The following AIMP1 variants were observed in gnomAD, a reference collection of about 807,000 sequenced individuals.
AIMP1 encodes aminoacyl tRNA synthase complex-interacting multifunctional protein 1.
A neutral mutation model predicts 33.1 loss-of-function variants in AIMP1; 24 were observed. The ratio of observed to expected loss-of-function variants is 0.73; its 90% confidence interval spans 0.53 to 1.02. The LOEUF (loss-of-function observed/expected upper bound fraction) is 1.02, where lower values mean the gene tolerates loss of function less well. Among genes scored for constraint, AIMP1 ranks in the 50% least tolerant of loss-of-function variants. The probability of loss-of-function intolerance (pLI) is 0.00; values close to 1 mark genes in which losing one functional copy is unlikely to be tolerated. For missense variants in AIMP1, 367 were observed against 364.8 expected, an observed-to-expected ratio of 1.01 and a Z score of -0.05; for synonymous variants, 120 against 121.5, an observed-to-expected ratio of 0.99 and a Z score of 0.08.
chr4:106,343,612 T>C (rs1449888189), intron 6 of AIMP1, among the ~76,000 whole-genome samples: 1 of 152,182 alleles, frequency 6.6e-6, no homozygotes, highest in African/African-American at 2.4e-5. Flanking sequence ...CAACATTTTT[T>C]TGGAGATTAC....
intron 3 of AIMP1, 91 bp downstream of exon 3, chr4:106,327,655 A>G (rs567537372): frequency 2.1e-4 from 191 of 923,332 alleles, no homozygotes; most frequent in Non-Finnish European, 2.9e-4. Context: ...ATCTGTATCT[A>G]GGCAACTTGG....
At chr4:106,341,236 G>A (rs1024486250) in intron 6 of AIMP1, among the ~76,000 whole-genome samples, 5 of 152,154 alleles carry the variant, frequency 3.3e-5, no homozygotes, top group Admixed American at 3.3e-4. Flanking sequence ...ATTTTGCAGT[G>A]CAGAAGCTCT....
At chr4:106,316,367 G>A (rs73839427), upstream of AIMP1, 1,276 of 609,434 alleles carry the variant, frequency 2.1e-3, 10 homozygotes, top group African/African-American at 0.016. Context: ...GGGGGGGGTC[G>A]ATTGAAAATA....
At chr4:106,344,932 T>A (rs1390086141) in intron 6 of AIMP1, among the ~76,000 whole-genome samples, 1 of 151,100 alleles carries the variant, frequency 6.6e-6, no homozygotes, top group Non-Finnish European at 1.5e-5. Context: ...TGCCTGGTAT[T>A]TTAAATTCTT....
Position 106,324,855 on chromosome 4 carries a change from AC to A in AIMP1, c.-25-129del, listed in dbSNP as rs1769399641. On this transcript the variant is annotated intron_variant, in intron 1 of 6. Coordinates refer to ENST00000672341, the MANE Select transcript of AIMP1 (RefSeq NM_001142416.2). ...TTGGCTTGTTGCTCTCCATAGGAAA[AC>A]TATTTTTCTAAGATATTTATCTATT... The A allele has an allele frequency of 4.2e-6, 3 of 711,194 alleles. No individual in the cohort carries two copies. The South Asian group carries it at 1.4e-4, about 33-fold the overall frequency. The allele number at this position is 711,194 out of a possible 1,614,324, so 44.1% of individuals were successfully genotyped here.
chr4:106,339,922 G>T (rs1246827417), intron 6 of AIMP1, among the ~76,000 whole-genome samples: 8 of 152,054 alleles, frequency 5.3e-5, no homozygotes, highest in African/African-American at 1.9e-4. Flanking sequence ...ATTTTGTATT[G>T]CCTGTTTTCT....
chr4:106,345,316 G>A (rs1164842840), intron 6 of AIMP1, among the ~76,000 whole-genome samples: 1 of 152,134 alleles, frequency 6.6e-6, no homozygotes, highest in Non-Finnish European at 1.5e-5. Context: ...GGTTGCAAAG[G>A]TTGCAAATCT....
At chr4:106,340,721 T>C (rs1445929453) in intron 6 of AIMP1, among the ~76,000 whole-genome samples, 1 of 152,236 alleles carries the variant, frequency 6.6e-6, no homozygotes, top group Non-Finnish European at 1.5e-5. Flanking sequence ...TGCATGTCTT[T>C]GCTATTGTGA....
At position 106,348,565 on chromosome 4, in the gene AIMP1, C is replaced by G. The variant is rs1770388072; in HGVS notation, c.*873C>G. Reference sequence around the variant, plus strand: ...TATTAAAAGAAATTACAGCCTAAAACTTAACATATACCATACATATATATT... The same window carrying G: ...TATTAAAAGAAATTACAGCCTAAAAGTTAACATATACCATACATATATATT... On this transcript the variant is annotated 3_prime_UTR_variant, in exon 7 of 7. Transcript: ENST00000672341. 6.6e-6 allele frequency: 1 copy of G among 152,022 alleles called. No individual in the cohort carries two copies. The highest frequency in any genetic ancestry group is 1.5e-5 in the Non-Finnish European group (1 of 68,002). The allele number at this position is 152,022 out of a possible 1,614,324, so 9.4% of individuals were successfully genotyped here. A position where few individuals can be genotyped will look rare whatever the true frequency, so the allele number is the denominator to read the frequency against.
intron 6 of AIMP1, 44 bp from the exon 7 acceptor site, chr4:106,347,482 A>G (rs766454757): frequency 8.9e-6 from 14 of 1,568,502 alleles, no homozygotes; most frequent in Non-Finnish European, 8.7e-6. Flanking sequence ...ATATTTTTGT[A>G]TATTAGCTGT....
At chr4:106,316,296 C>T (rs1336056541), upstream of AIMP1, 2 of 440,536 alleles carry the variant, frequency 4.5e-6, no homozygotes, top group Non-Finnish European at 8.3e-6. Flanking sequence ...TGGTGTCCTT[C>T]CCCTTGCCCA....
At chr4:106,331,531 A>G in intron 4 of AIMP1, 141 bp from the exon 5 acceptor site, 1 of 694,186 alleles carries the variant, frequency 1.4e-6, no homozygotes, top group Non-Finnish European at 2.5e-6. Flanking sequence ...TTTCTTTGTT[A>G]TTATTTAAGT....
chr4:106,347,788 TTGCA>T lies in AIMP1; in HGVS notation c.*98_*101del. ...TACCTAAAATATGAGTGGCTCATTTTTGCATTACTCTCTTCTAGACTTGACTAGT... is the reference window on the plus strand; with the variant it reads ...TACCTAAAATATGAGTGGCTCATTTTTTACTCTCTTCTAGACTTGACTAGT... On this transcript the variant is annotated 3_prime_UTR_variant, in exon 7 of 7. Coordinates refer to ENST00000672341, the MANE Select transcript of AIMP1 (RefSeq NM_001142416.2). 7.4e-7 allele frequency: 1 copy of T among 1,345,906 alleles called. No individual in the cohort carries two copies. The highest frequency in any genetic ancestry group is 1.0e-6 in the Non-Finnish European group (1 of 969,210). 83.4% of individuals were successfully genotyped at this position (1,345,906 alleles called of 1,614,324 possible). A position where few individuals can be genotyped will look rare whatever the true frequency, so the allele number is the denominator to read the frequency against.
At chr4:106,344,639 T>C (rs1770225766) in intron 6 of AIMP1, among the ~76,000 whole-genome samples, 1 of 152,176 alleles carries the variant, frequency 6.6e-6, no homozygotes. Context: ...GCAGATTATA[T>C]TACTCTGCTC....
intron 6 of AIMP1, among the ~76,000 whole-genome samples, chr4:106,345,439 A>G (rs1770258683): frequency 1.3e-5 from 2 of 152,200 alleles, no homozygotes; most frequent in South Asian, 4.1e-4. Flanking sequence ...TAGATTAAGG[A>G]ATGATTTACA....
At chr4:106,331,046 A>G (rs540797227) in intron 4 of AIMP1, among the ~76,000 whole-genome samples, 136 of 152,338 alleles carry the variant, frequency 8.9e-4, no homozygotes, top group Non-Finnish European at 1.7e-3. Flanking sequence ...TAAAATCCTA[A>G]TATATCTTCA....
In AIMP1 at chr4:106,331,835, C is replaced by A; in HGVS notation, c.555C>A (p.Ala185=). Residue 185 remains alanine (A), a synonymous_variant, in exon 5 of 7, where the codon GCC becomes GCA. Transcript: ENST00000672341. Reference sequence around the variant, plus strand: ...AAGAAGTAGATGTCGGAGAAATAGCCCCAAGGACAGTTGTCAGTGGCCTGG... The same window carrying A: ...AAGAAGTAGATGTCGGAGAAATAGCACCAAGGACAGTTGTCAGTGGCCTGG... ...YVEEVDVGEI[A]PRTVVSGLVN... The A allele has an allele frequency of 6.2e-7, 1 of 1,614,048 alleles. No homozygotes were observed. The highest frequency in any genetic ancestry group is 1.3e-5 in the African/African-American group (1 of 75,010).
At chr4:106,326,558 G>A (rs1769459293) in intron 2 of AIMP1, among the ~76,000 whole-genome samples, 1 of 151,904 alleles carries the variant, frequency 6.6e-6, no homozygotes, top group Non-Finnish European at 1.5e-5. Context: ...TATATTTTGA[G>A]CAAATCCTTG....
chr4:106,328,726 A>G (rs560152958), intron 4 of AIMP1, among the ~76,000 whole-genome samples: 1 of 152,336 alleles, frequency 6.6e-6, no homozygotes, highest in South Asian at 2.1e-4. Flanking sequence ...CTTGAAATTT[A>G]GTCATCAACC....
Sources: gnomAD v4.1 joint callset for allele counts (sites outside exome capture counted in the v4.1 genomes callset) on GRCh38, gnomAD v4.1.1 for gene constraint, MANE v1.5 for transcripts, NCBI Gene and HGNC (gene_info 2026-07-23, HGNC 2026-07-21) for gene names.